Variants in ZNF391 observed in about 807,000 individuals in gnomAD.
ZNF391 encodes the protein zinc finger protein 391.
For synonymous variants in ZNF391, 126 were observed against 142.1 expected (o/e 0.89, Z 0.80); for missense variants, 375 against 425.5 (o/e 0.88, Z 1.04).
At position 27,376,508 on chromosome 6, in the gene ZNF391, T is replaced by G. The variant is rs1441035082; in HGVS notation, n.523+1371T>G. 2.0e-5 allele frequency among the ~76,000 whole-genome samples: 3 copies of G among 151,582 alleles called. No homozygotes were observed. The East Asian group carries it at 5.8e-4, about 29-fold the overall frequency. On this transcript the variant is annotated intron_variant and non_coding_transcript_variant, in intron 1 of 2. Coordinates refer to the ZNF391 transcript ENST00000477999. The surrounding 1 kb of genome is among the most constrained non-coding windows in gnomAD (Gnocchi z 4.7). The stretch of plus-strand genomic sequence containing the variant: ...CTGTGGTATTTTTTGGATTGGGACG[T>G]ATGTGTGTATGTGCTCTCTAACTCC...
rs1453281343 is a variant in ZNF391, at chr6:27,403,226, T to C, written c.*1779T>C. 1 of 152,216 alleles carries C rather than the reference T, an allele frequency of 6.6e-6. No homozygotes were observed. The highest frequency in any genetic ancestry group is 1.5e-5 in the Non-Finnish European group (1 of 68,042). The allele number at this position is 152,216 out of a possible 1,614,324, so 9.4% of individuals were successfully genotyped here. On this transcript the variant is annotated 3_prime_UTR_variant, in exon 3 of 3. Transcript: ENST00000244576. ...CCTAAAGGTCTTTCATAGTTTGATC[T>C]ACTTACTTACTTCCTTTCTCTTCTC...
chr6:27,393,799 T>C (rs1467176969), intron 1 of ZNF391, among the ~76,000 whole-genome samples: 1 of 152,232 alleles, frequency 6.6e-6, no homozygotes, highest in Non-Finnish European at 1.5e-5. Context: ...GAGGAACTTA[T>C]TGGGAACTAA....
chr6:27,383,097 G>T (rs1254257580), intron 1 of ZNF391, among the ~76,000 whole-genome samples: 2 of 151,702 alleles, frequency 1.3e-5, no homozygotes, highest in Non-Finnish European at 1.5e-5. Flanking sequence ...TCCAGCCTGG[G>T]CAACAGAGCC....
chr6:27,402,394 T>C lies in ZNF391; in HGVS notation c.*947T>C, dbSNP rs1164026828. On this transcript the variant is annotated 3_prime_UTR_variant, in exon 3 of 3. Transcript: ENST00000244576. The stretch of plus-strand genomic sequence containing the variant: ...TTGCAGAATTGGCACTTTTTGCCAC[T>C]GTTATGCCTTAAATCTTGAGCTTCT... 2 of 152,154 alleles carry C rather than the reference T, an allele frequency of 1.3e-5. No homozygotes were observed. Among genetic ancestry groups the C allele is most frequent in the South Asian group, 4.1e-4 (2 of 4,826 alleles). The allele number at this position is 152,154 out of a possible 1,614,324, so 9.4% of individuals were successfully genotyped here. A position where few individuals can be genotyped will look rare whatever the true frequency, so the allele number is the denominator to read the frequency against.
chr6:27,392,373 A>T (rs1328413308), intron 1 of ZNF391, among the ~76,000 whole-genome samples: 2 of 152,170 alleles, frequency 1.3e-5, no homozygotes, highest in African/African-American at 4.8e-5. Flanking sequence ...CTTCTGCCTC[A>T]GCCTCCTGAG....
In ZNF391 at chr6:27,400,792, A is replaced by G. The variant is rs1761936888; in HGVS notation, c.422A>G (p.Lys141Arg). Reference protein sequence around the residue: ...HGGEKPFECNKCGKSFSRSTH... With the variant: ...HGGEKPFECNRCGKSFSRSTH... ...GGAGAAAAGCCTTTTGAATGCAACA[A>G]ATGTGGGAAATCTTTCAGCCGAAGT... The change falls in exon 3 of 3, where the codon AAA (lysine) becomes AGA (arginine). Residue 141 changes from lysine (K) to arginine (R), a missense_variant. Physicochemically the swap from Lys to Arg is conservative, Grantham distance 26. Coordinates refer to ENST00000244576, the MANE Select transcript of ZNF391 (RefSeq NM_001076781.3). 9 of 1,614,210 alleles carry G rather than the reference A, an allele frequency of 5.6e-6. No homozygotes were observed. The East Asian group carries it at 2.0e-4, about 36-fold the overall frequency.
rs1284582710 is a variant in ZNF391, at chr6:27,376,452, C to T, written n.523+1315C>T. Among the ~76,000 whole-genome samples, 1 of 152,100 alleles carries T rather than the reference C, an allele frequency of 6.6e-6. No homozygotes were observed. The highest frequency in any genetic ancestry group is 1.5e-5 in the Non-Finnish European group (1 of 68,028). The stretch of plus-strand genomic sequence containing the variant: ...CTAGGATTAGAATCCCTTTCTATTC[C>T]CAGTTCAGTCTTTTTCCTTATACTA... On this transcript the variant is annotated intron_variant and non_coding_transcript_variant, in intron 1 of 2. Coordinates refer to the ZNF391 transcript ENST00000477999. This position sits in a 1 kb window ranked among gnomAD's most constrained non-coding sequence, Gnocchi z 4.7.
intron 1 of ZNF391, among the ~76,000 whole-genome samples, chr6:27,382,169 T>A (rs1265637704): frequency 6.6e-6 from 1 of 151,986 alleles, no homozygotes; most frequent in Non-Finnish European, 1.5e-5. Context: ...CCGTCTCTGC[T>A]AAAAATACCA....
At chr6:27,382,279 G>A (rs906282201) in intron 1 of ZNF391, among the ~76,000 whole-genome samples, 3 of 151,956 alleles carry the variant, frequency 2.0e-5, no homozygotes, top group African/African-American at 4.8e-5. Context: ...GCTTGAACCC[G>A]GGAGGCGGAG....
At chr6:27,378,031 CTG>C (rs1761443720) in intron 1 of ZNF391, among the ~76,000 whole-genome samples, 1 of 152,128 alleles carries the variant, frequency 6.6e-6, no homozygotes, top group African/African-American at 2.4e-5. Flanking sequence ...CTTCACAAGA[CTG>C]TGTACATGTT....
intron 1 of ZNF391, among the ~76,000 whole-genome samples, chr6:27,392,998 T>C (rs1761748706): frequency 6.6e-6 from 1 of 152,208 alleles, no homozygotes; most frequent in Non-Finnish European, 1.5e-5. Context: ...ACTTCCAAGT[T>C]AGATTCCTTT....
Position 27,403,210 on chromosome 6 carries a change from C to G in ZNF391, c.*1763C>G, listed in dbSNP as rs937056597. 3 of 152,254 alleles carry G rather than the reference C, an allele frequency of 2.0e-5. No homozygotes were observed. The East Asian group carries it at 5.8e-4, about 29-fold the overall frequency. The allele number at this position is 152,254 out of a possible 1,614,324, so 9.4% of individuals were successfully genotyped here. ...ATGTAAACTTCTTTAACCTAAAGGT[C>G]TTTCATAGTTTGATCTACTTACTTA... On this transcript the variant is annotated 3_prime_UTR_variant, in exon 3 of 3. Transcript: ENST00000244576.
At chr6:27,384,463 C>CAAAA (rs149396774), upstream of ZNF391, among the ~76,000 whole-genome samples, 3 of 121,454 alleles carry the variant, frequency 2.5e-5, no homozygotes, top group African/African-American at 6.8e-5. Context: ...GACTCTATCT[C>CAAAA]AAAAAAAAAA....
At chr6:27,378,557 T>C (rs1197825331) in intron 1 of ZNF391, among the ~76,000 whole-genome samples, 2 of 152,110 alleles carry the variant, frequency 1.3e-5, no homozygotes, top group Non-Finnish European at 2.9e-5. Context: ...CCGGCTATTT[T>C]CACTTCTTTT....
chr6:27,399,959 T>C (rs997710516), intron 2 of ZNF391, among the ~76,000 whole-genome samples: 1 of 152,230 alleles, frequency 6.6e-6, no homozygotes, highest in Non-Finnish European at 1.5e-5. Flanking sequence ...TTTTCCATGA[T>C]TAATCAACTA....
chr6:27,399,092 TC>T (rs1283034476), intron 1 of ZNF391, among the ~76,000 whole-genome samples: 1 of 152,208 alleles, frequency 6.6e-6, no homozygotes, highest in Non-Finnish European at 1.5e-5. Flanking sequence ...TAAGGCTCTT[TC>T]TGGACATTCA....
intron 1 of ZNF391, among the ~76,000 whole-genome samples, chr6:27,382,384 T>G (rs1446082043): frequency 1.3e-5 from 2 of 152,110 alleles, no homozygotes; most frequent in Non-Finnish European, 1.5e-5. Context: ...ACAGAAGTTT[T>G]TAAAAAGTGG....
At chr6:27,381,429 C>G (rs1177599348) in intron 1 of ZNF391, among the ~76,000 whole-genome samples, 1 of 152,250 alleles carries the variant, frequency 6.6e-6, no homozygotes, top group Admixed American at 6.5e-5. Context: ...AGTTCCCGCT[C>G]GCGCTTCTCC....
At chr6:27,390,281 G>A (rs1013302969) in intron 1 of ZNF391, among the ~76,000 whole-genome samples, 3 of 152,174 alleles carry the variant, frequency 2.0e-5, no homozygotes, top group African/African-American at 4.8e-5. Flanking sequence ...GGGTAACTGT[G>A]GTGGCCAGCG....
Sources: allele counts gnomAD v4.1 joint callset (sites outside exome capture counted in the v4.1 genomes callset), GRCh38; gene constraint gnomAD v4.1.1; non-coding constraint Gnocchi (gnomAD v3.1); transcripts MANE v1.5; gene names NCBI Gene and HGNC (gene_info 2026-07-23, HGNC 2026-07-21).